STXBP5L: variants seen among roughly 807,000 people sequenced by gnomAD.
STXBP5L encodes the protein syntaxin-binding protein 5-like.
In STXBP5L, 65 loss-of-function variants were observed where a neutral mutation model predicts 144.5. The ratio of observed to expected loss-of-function variants is 0.45; its 90% CI spans 0.37 to 0.55. The LOEUF (loss-of-function observed/expected upper bound fraction) is 0.55. STXBP5L is among the 20% of genes least tolerant of loss of function. The pLI, the probability that STXBP5L is intolerant of heterozygous loss-of-function variation, is 0.00. For missense variants in STXBP5L, 1,298 were observed against 1,405.5 expected, an observed-to-expected ratio of 0.92 and a Z score of 1.22; for synonymous variants, 505 against 469.6, an observed-to-expected ratio of 1.08 and a Z score of -0.97.
chr3:121,304,737 A>G (rs2043280192), intron 19 of STXBP5L, among the ~76,000 whole-genome samples: 1 of 152,104 alleles, frequency 6.6e-6, no homozygotes. Flanking sequence ...AATTTAGAAC[A>G]TTAGATGTTA....
chr3:121,305,774 G>A (rs2043317862), intron 19 of STXBP5L, among the ~76,000 whole-genome samples: 1 of 151,920 alleles, frequency 6.6e-6, no homozygotes. Context: ...TCAACATTTA[G>A]TTCATAACCT....
intron 19 of STXBP5L, among the ~76,000 whole-genome samples, chr3:121,306,525 C>A (rs1222507376): frequency 6.6e-6 from 1 of 152,132 alleles, no homozygotes; most frequent in Non-Finnish European, 1.5e-5. Flanking sequence ...AGACTAGTGG[C>A]TCAAAGGTTT....
chr3:121,257,049 T>G, intron 16 of STXBP5L, 112 bp from the exon 17 acceptor site: 1 of 804,118 alleles, frequency 1.2e-6, no homozygotes, highest in African/African-American at 1.7e-5. Context: ...GTGTGAATGA[T>G]TCCTAAAAAG....
intron 18 of STXBP5L, among the ~76,000 whole-genome samples, chr3:121,273,652 A>G (rs1256258686): frequency 6.6e-6 from 1 of 151,938 alleles, no homozygotes; most frequent in African/African-American, 2.4e-5. Flanking sequence ...GGTTCTCTTG[A>G]TAGTGTTCAA....
At chr3:121,099,913 C>G (rs1204928182) in intron 5 of STXBP5L, 1 of 152,152 alleles carries the variant, frequency 6.6e-6, no homozygotes, top group East Asian at 1.9e-4. Flanking sequence ...GGAGAAATAT[C>G]TGTCACACAA....
intron 22 of STXBP5L, among the ~76,000 whole-genome samples, chr3:121,397,755 A>G (rs537123429): frequency 2.6e-5 from 4 of 152,236 alleles, no homozygotes; most frequent in Non-Finnish European, 5.9e-5. Flanking sequence ...CCATAAATTT[A>G]TAGGTACAGA....
chr3:121,117,101 T>G (rs865888837), intron 6 of STXBP5L, among the ~76,000 whole-genome samples: 2 of 151,894 alleles, frequency 1.3e-5, no homozygotes, highest in Non-Finnish European at 2.9e-5. Context: ...TACTTTATTT[T>G]AATGTGTTTA....
intron 5 of STXBP5L, among the ~76,000 whole-genome samples, chr3:121,101,833 C>G (rs1275445851): frequency 6.6e-6 from 1 of 151,842 alleles, no homozygotes; most frequent in Non-Finnish European, 1.5e-5. Flanking sequence ...CCTAGAAAAC[C>G]CTAAAGACTC....
chr3:121,133,504 T>A (rs2045094340), intron 7 of STXBP5L, among the ~76,000 whole-genome samples: 1 of 152,108 alleles, frequency 6.6e-6, no homozygotes, highest in Non-Finnish European at 1.5e-5. Context: ...AAAAAAATAC[T>A]GTCCATCAAG....
intron 20 of STXBP5L, among the ~76,000 whole-genome samples, chr3:121,350,673 T>C (rs2045240331): frequency 6.6e-6 from 1 of 152,156 alleles, no homozygotes; most frequent in Non-Finnish European, 1.5e-5. Context: ...TATTCTTTTT[T>C]TCGTTAAACT....
intron 5 of STXBP5L, among the ~76,000 whole-genome samples, chr3:121,084,006 T>C (rs949882870): frequency 1.7e-4 from 26 of 152,222 alleles, no homozygotes; most frequent in African/African-American, 6.0e-4. Context: ...GAGATTTTTC[T>C]ATTTTATGTA....
intron 5 of STXBP5L, among the ~76,000 whole-genome samples, chr3:121,096,748 C>T (rs944405283): frequency 1.3e-5 from 2 of 152,144 alleles, no homozygotes; most frequent in African/African-American, 2.4e-5. Flanking sequence ...TACCAGTTGC[C>T]AGCCAGAGCT....
At chr3:121,291,153 A>G (rs1402881657) in intron 19 of STXBP5L, among the ~76,000 whole-genome samples, 1 of 152,128 alleles carries the variant, frequency 6.6e-6, no homozygotes, top group Non-Finnish European at 1.5e-5. Context: ...AGAATACCCT[A>G]AAGACACATC....
chr3:121,241,869 G>A (rs1234444264), intron 14 of STXBP5L, among the ~76,000 whole-genome samples: 1 of 151,836 alleles, frequency 6.6e-6, no homozygotes, highest in Non-Finnish European at 1.5e-5. Flanking sequence ...AACACTGAAA[G>A]AAAAAAAATC....
intron 2 of STXBP5L, among the ~76,000 whole-genome samples, chr3:120,939,777 T>A (rs953277119): frequency 2.0e-5 from 3 of 152,186 alleles, no homozygotes; most frequent in Admixed American, 6.6e-5. Flanking sequence ...CTATCAAGTG[T>A]CTATAGGTAT....
At chr3:121,264,249 A>G (rs2050479695) in intron 18 of STXBP5L, among the ~76,000 whole-genome samples, 1 of 152,222 alleles carries the variant, frequency 6.6e-6, no homozygotes, top group South Asian at 2.1e-4. Context: ...TCCTTTACAG[A>G]CAAGCAAATG....
intron 20 of STXBP5L, among the ~76,000 whole-genome samples, chr3:121,340,364 G>T (rs927731589): frequency 3.3e-5 from 5 of 151,836 alleles, no homozygotes; most frequent in Non-Finnish European, 5.9e-5. Flanking sequence ...AAGTTCTAGG[G>T]TACATGTGCA....
chr3:121,110,857 G>A (rs1431381675), intron 5 of STXBP5L, among the ~76,000 whole-genome samples: 1 of 152,118 alleles, frequency 6.6e-6, no homozygotes, highest in Non-Finnish European at 1.5e-5. Context: ...GTCTCTTTCA[G>A]GTACTTCAAC....
At chr3:121,273,651 G>T (rs569576894) in intron 18 of STXBP5L, among the ~76,000 whole-genome samples, 4 of 152,088 alleles carry the variant, frequency 2.6e-5, no homozygotes, top group Admixed American at 2.0e-4. Flanking sequence ...TGGTTCTCTT[G>T]ATAGTGTTCA....
Sources: allele counts gnomAD v4.1 joint callset (sites outside exome capture counted in the v4.1 genomes callset), GRCh38; gene constraint gnomAD v4.1.1; transcripts MANE v1.5; gene names NCBI Gene and HGNC (gene_info 2026-07-23, HGNC 2026-07-21).